The following MARK2 variants were observed in gnomAD, a reference collection of about 807,000 sequenced individuals.
The protein encoded by MARK2 is microtubule affinity regulating kinase 2.
MARK2 carries 16 observed loss-of-function variants against 89.8 expected under a neutral mutation model. The ratio of observed to expected loss-of-function variants is 0.18; its 90% CI spans 0.12 to 0.27. The LOEUF is 0.27. Among genes scored for constraint, MARK2 ranks in the 10% least tolerant of loss-of-function variants. The probability of loss-of-function intolerance (pLI) is 1.00; values close to 1 mark genes in which losing one functional copy is unlikely to be tolerated. For synonymous variants in MARK2, 382 were observed against 399.5 expected (o/e 0.96, Z 0.52); for missense variants, 621 against 1,049.9 (o/e 0.59, Z 5.65).
chr11:63,839,618 G>A, intron 1 of MARK2, 58 bp downstream of exon 1: 1 of 1,112,748 alleles, frequency 9.0e-7, no homozygotes, highest in Non-Finnish European at 1.3e-6. Flanking sequence ...ACCTTGCGGA[G>A]CCTCCTCCCT....
chr11:63,890,876 G>A (rs998487453), intron 1 of MARK2, among the ~76,000 whole-genome samples: 8 of 152,228 alleles, frequency 5.3e-5, no homozygotes, highest in South Asian at 2.1e-4. Flanking sequence ...AAGCTTGTAC[G>A]TGGGGGAGCC....
At position 63,900,654 on chromosome 11, in the gene MARK2, T is replaced by C; in HGVS notation, c.864T>C (p.Asn288=). 1 of 1,614,160 alleles carries C rather than the reference T, an allele frequency of 6.2e-7. No individual in the cohort carries two copies. Among genetic ancestry groups the C allele is most frequent in the Middle Eastern group, 1.6e-4 (1 of 6,062 alleles). The change falls in exon 9 of 19, where the codon AAT becomes AAC. Residue 288 remains asparagine (N), a synonymous_variant. Coordinates refer to ENST00000402010, the MANE Select transcript of MARK2 (RefSeq NM_001039469.3). The surrounding 1 kb of genome is among the most constrained non-coding windows in gnomAD (Gnocchi z 4.7). The part of the protein sequence containing the change: ...ENLLKKFLIL[N]PSKRGTLEQI... The stretch of plus-strand genomic sequence containing the variant: ...TGCTTAAGAAATTTCTCATTCTTAA[T>C]CCCAGCAAGAGAGGCACTTTAGAGG...
At chr11:63,865,679 T>G (rs2135251333) in intron 1 of MARK2, among the ~76,000 whole-genome samples, 1 of 152,330 alleles carries the variant, frequency 6.6e-6, no homozygotes, top group Non-Finnish European at 1.5e-5. Context: ...ATCTCTACCT[T>G]AATTACCGAC....
intron 1 of MARK2, chr11:63,888,405 G>C (rs1939533827): frequency 2.6e-6 from 1 of 387,324 alleles, no homozygotes. Context: ...TGACAGCCGT[G>C]GCTGCAGTGA....
intron 1 of MARK2, among the ~76,000 whole-genome samples, chr11:63,880,513 G>A (rs1232814283): frequency 2.0e-5 from 3 of 152,178 alleles, no homozygotes; most frequent in Admixed American, 2.0e-4. Context: ...TCCCCAATTG[G>A]TAGCTCTTAG....
At chr11:63,906,343 G>C (rs1274874392) in intron 17 of MARK2, among the ~76,000 whole-genome samples, 1 of 152,192 alleles carries the variant, frequency 6.6e-6, no homozygotes, top group African/African-American at 2.4e-5. Flanking sequence ...AGGGCTAAGA[G>C]GCCACATTGG....
intron 1 of MARK2, among the ~76,000 whole-genome samples, chr11:63,851,570 C>T (rs1000852503): frequency 6.6e-5 from 10 of 152,098 alleles, no homozygotes; most frequent in East Asian, 3.9e-4. Context: ...TCCTCATTCC[C>T]GTCCATCTTA....
rs1031809681 is a variant in MARK2 at position 63,897,905 on chromosome 11, C to T, written c.289-327C>T. 2.6e-5 allele frequency among the ~76,000 whole-genome samples: 4 copies of T among 152,316 alleles called. No homozygotes were observed. In the East Asian group the frequency reaches 5.8e-4, roughly 22 times the overall value. On this transcript the variant is annotated intron_variant, in intron 3 of 18. Coordinates refer to ENST00000402010, the MANE Select transcript of MARK2 (RefSeq NM_001039469.3). ...CAGCAGCTCGGATTCTGAATATTCA[C>T]GCACACGGGCTCACACTCCCTCCAG... is the stretch of plus-strand genomic sequence containing the variant.
chr11:63,899,001 T>C, intron 6 of MARK2, 51 bp from the exon 7 acceptor site: 1 of 1,382,140 alleles, frequency 7.2e-7, no homozygotes, highest in Non-Finnish European at 1.0e-6. Context: ...TGTCAGCCCC[T>C]GTGGCCCACC....
intron 1 of MARK2, among the ~76,000 whole-genome samples, chr11:63,878,359 C>CTTTTTTTTTT: frequency 1.4e-5 from 1 of 72,712 alleles, no homozygotes; most frequent in Non-Finnish European, 2.3e-5. Context: ...TTGTTCAAGT[C>CTTTTTTTTTT]TTTTTTTTTT....
At chr11:63,876,230 TTCAAACTTAGC>T in intron 1 of MARK2, among the ~76,000 whole-genome samples, 1 of 17,012 alleles carries the variant, frequency 5.9e-5, no homozygotes, top group African/African-American at 3.6e-4. Context: ...GAACTTAGCC[TTCAAACTTAGC>T]CTTCAACTTC....
chr11:63,883,289 T>C (rs762276477), intron 1 of MARK2, among the ~76,000 whole-genome samples: 3 of 152,212 alleles, frequency 2.0e-5, no homozygotes, highest in Non-Finnish European at 4.4e-5. Context: ...CTACTCCTCC[T>C]GCAGGATGGT....
chr11:63,910,127 G>GACCCCCTGGGGAC lies in MARK2; in HGVS notation c.*890_*891insACCCCCTGGGGAC, dbSNP rs1406566852. On this transcript the variant is annotated 3_prime_UTR_variant, in exon 19 of 19. Transcript: ENST00000402010. ...AGACTGGCTTCTCGGTCCCCAGGGG[G>GACCCCCTGGGGAC]CCGCTTGGGCTGTTGGTCTCCAGAG... The GACCCCCTGGGGAC allele has an allele frequency of 3.9e-5, 6 of 152,358 alleles. No homozygotes were observed. The highest frequency in any genetic ancestry group is 1.2e-4 in the African/African-American group (5 of 41,464). The allele number at this position is 152,358 out of a possible 1,614,324, so 9.4% of individuals were successfully genotyped here.
intron 1 of MARK2, among the ~76,000 whole-genome samples, chr11:63,875,213 C>A (rs1938677384): frequency 2.0e-5 from 3 of 151,054 alleles, no homozygotes; most frequent in Admixed American, 2.0e-4. Flanking sequence ...CTCAGCCTCC[C>A]AGGTTCAAGC....
At position 63,906,110 on chromosome 11, in the gene MARK2, A is replaced by G; in HGVS notation, c.1957A>G (p.Arg653Gly). Residue 653 changes from arginine (R) to glycine (G), a missense_variant, in exon 17 of 19, where the codon AGA becomes GGA. Physicochemically the swap from Arg to Gly is moderately radical, Grantham distance 125. Around this residue, in one of 5 missense-constraint regions of MARK2, gnomAD observed 397 missense variants for 567.8 expected, o/e 0.70. Transcript: ENST00000402010. Reference protein sequence around the residue: ...VRRNLSFRFARRNLNEPESKD... With the variant: ...VRRNLSFRFAGRNLNEPESKD... ...TAGAAATCTGTCTTTCAGGTTTGCC[A>G]GAAGGTAGGCGTTGAGCCCGCTGTG... is the stretch of plus-strand genomic sequence containing the variant. 7.5e-7 allele frequency: 1 copy of G among 1,338,764 alleles called. No homozygotes were observed. The highest frequency in any genetic ancestry group is 2.3e-5 in the South Asian group (1 of 44,148). The allele number at this position is 1,338,764 out of a possible 1,614,324, so 82.9% of individuals were successfully genotyped here.
In MARK2 at chr11:63,899,044, C is replaced by T; in HGVS notation, c.475-8C>T. On this transcript the variant is annotated splice_region_variant and splice_polypyrimidine_tract_variant and intron_variant, in intron 6 of 18. Transcript: ENST00000402010. ...ACCCCTGGGTTAACCCTTCTTCCTT[C>T]CTTTCAGATAGTGTCTGCTGTGCAG... is the stretch of plus-strand genomic sequence containing the variant. The T allele has an allele frequency of 6.2e-7, 1 of 1,607,924 alleles. No homozygotes were observed. The highest frequency in any genetic ancestry group is 8.5e-7 in the Non-Finnish European group (1 of 1,174,614).
intron 16 of MARK2, 96 bp from the exon 17 acceptor site, chr11:63,905,991 TA>T: frequency 9.3e-7 from 1 of 1,075,092 alleles, no homozygotes; most frequent in Non-Finnish European, 1.2e-6. Context: ...CTTGAACCTG[TA>T]AAGCCACCTC....
rs141719382 is a variant in MARK2, at chr11:63,900,870, C to A, written c.979C>A (p.Arg327=). The change falls in exon 10 of 19, where the codon CGG becomes AGG. Residue 327 remains arginine (R), a synonymous_variant. Coordinates refer to ENST00000402010, the MANE Select transcript of MARK2 (RefSeq NM_001039469.3). The surrounding 1 kb of genome is among the most constrained non-coding windows in gnomAD (Gnocchi z 4.7). The part of the protein sequence containing the change: ...VEPLPDYKDP[R]RTELMVSMGY... ...GCCACTCCCTGACTACAAGGACCCC[C>A]GGCGGACAGGTGAGGCTGTGCCGGG... The A allele has an allele frequency of 6.2e-7, 1 of 1,614,004 alleles. No homozygotes were observed. The highest frequency in any genetic ancestry group is 1.3e-5 in the African/African-American group (1 of 74,920).
chr11:63,892,989 A>ACCT (rs1940025915), intron 1 of MARK2, among the ~76,000 whole-genome samples: 1 of 144,634 alleles, frequency 6.9e-6, no homozygotes, highest in Non-Finnish European at 1.5e-5. Context: ...GCTCACTGTA[A>ACCT]CCTCCTCCTC....
Sources: allele counts gnomAD v4.1 joint callset (sites outside exome capture counted in the v4.1 genomes callset), GRCh38; gene constraint gnomAD v4.1.1; regional missense constraint gnomAD v4.1.1; non-coding constraint Gnocchi (gnomAD v3.1); transcripts MANE v1.5; gene names NCBI Gene and HGNC (gene_info 2026-07-23, HGNC 2026-07-21).